The following RASGRF2 variants were observed in gnomAD, a reference collection of about 807,000 sequenced individuals.
The protein encoded by RASGRF2 is Ras protein specific guanine nucleotide releasing factor 2.
A neutral mutation model predicts 151.0 loss-of-function variants in RASGRF2; 76 were observed. The ratio of observed to expected loss-of-function variants is 0.50; its 90% CI spans 0.42 to 0.61. The LOEUF is 0.61. Among genes scored for constraint, RASGRF2 ranks in the 20% least tolerant of loss-of-function variants. RASGRF2 has a pLI of 0.00. For synonymous variants in RASGRF2, 504 were observed against 566.5 expected (o/e 0.89, Z 1.57); for missense variants, 1,148 against 1,564.6 (o/e 0.73, Z 4.49).
chr5:81,007,267 A>C (rs189897872), intron 1 of RASGRF2, among the ~76,000 whole-genome samples: 85 of 152,218 alleles, frequency 5.6e-4, no homozygotes, highest in Admixed American at 2.9e-3. Flanking sequence ...AAAGTTTCTG[A>C]TTGTGGTTTC....
intron 1 of RASGRF2, among the ~76,000 whole-genome samples, chr5:80,996,502 TTCCTCC>T (rs754279122): frequency 1.7e-5 from 1 of 59,064 alleles, no homozygotes; most frequent in Non-Finnish European, 3.5e-5. Context: ...CTTCTTCTTC[TTCCTCC>T]TCCTCCTCCT....
rs530006415 is a variant in RASGRF2 at position 81,079,897 on chromosome 5, T to G, written c.888-224T>G. On this transcript the variant is annotated intron_variant, in intron 5 of 26. Transcript: ENST00000265080. ...TGAAGAAGGTTATGTGACAATGATT[T>G]GGTGCTTTCTGTCCTCTAATATTTG... Among the ~76,000 whole-genome samples, 4 of 152,332 alleles carry G rather than the reference T, an allele frequency of 2.6e-5. No individual in the cohort carries two copies. In the South Asian group the frequency reaches 8.3e-4, roughly 32 times the overall value.
intron 1 of RASGRF2, among the ~76,000 whole-genome samples, chr5:80,991,461 C>T (rs1748647789): frequency 6.6e-6 from 1 of 152,162 alleles, no homozygotes; most frequent in Non-Finnish European, 1.5e-5. Context: ...CAGGCAGGAC[C>T]TGAGAGTCTG....
chr5:81,162,977 T>C (rs1754422642), intron 17 of RASGRF2, among the ~76,000 whole-genome samples: 1 of 152,094 alleles, frequency 6.6e-6, no homozygotes, highest in Non-Finnish European at 1.5e-5. Context: ...TCAAGGGGGC[T>C]GCTGTCTCTG....
intron 1 of RASGRF2, among the ~76,000 whole-genome samples, chr5:81,002,016 G>T (rs887327158): frequency 1.3e-5 from 2 of 152,218 alleles, no homozygotes; most frequent in Admixed American, 1.3e-4. Flanking sequence ...ACATGTATGT[G>T]TGATAATTTG....
At chr5:81,112,933 C>A (rs1753041248) in intron 14 of RASGRF2, 75 bp downstream of exon 14, 1 of 1,574,460 alleles carries the variant, frequency 6.4e-7, no homozygotes, top group Non-Finnish European at 8.6e-7. Flanking sequence ...TGAGGATGAG[C>A]AGGCCAGCTC....
intron 17 of RASGRF2, among the ~76,000 whole-genome samples, chr5:81,130,035 C>A (rs1181141056): frequency 6.6e-6 from 1 of 152,142 alleles, no homozygotes; most frequent in East Asian, 1.9e-4. Context: ...AAAAAGTAAC[C>A]AAAACGGCCA....
rs755133406 is a variant in RASGRF2 at position 81,184,952 on chromosome 5, A to G, written c.2793+4671A>G. On this transcript the variant is annotated intron_variant, in intron 18 of 26. Coordinates refer to ENST00000265080, the MANE Select transcript of RASGRF2 (RefSeq NM_006909.3). ...AATTATGTGTGTGGCCGGCTGTTAAATCGAATTCTTCAGATTGTTTCTGAC... is the reference window on the plus strand; with the variant it reads ...AATTATGTGTGTGGCCGGCTGTTAAGTCGAATTCTTCAGATTGTTTCTGAC... Among the ~76,000 whole-genome samples, 33 of 152,234 alleles carry G rather than the reference A, an allele frequency of 2.2e-4. 1 individual carries two copies. Among genetic ancestry groups the G allele is most frequent in the Non-Finnish European group, 4.0e-4 (27 of 68,040 alleles).
chr5:81,149,628 T>C (rs1416544279), intron 17 of RASGRF2, among the ~76,000 whole-genome samples: 1 of 151,376 alleles, frequency 6.6e-6, no homozygotes, highest in Non-Finnish European at 1.5e-5. Context: ...TAAAATTTTT[T>C]ACAATTAAAA....
chr5:80,985,383 ATTAT>A (rs745793213), intron 1 of RASGRF2, among the ~76,000 whole-genome samples: 12 of 152,378 alleles, frequency 7.9e-5, no homozygotes, highest in Non-Finnish European at 1.6e-4. Flanking sequence ...AATCAAAATA[ATTAT>A]TTAGCCATTT....
At chr5:81,011,404 C>T (rs1749455636) in intron 1 of RASGRF2, among the ~76,000 whole-genome samples, 1 of 152,108 alleles carries the variant, frequency 6.6e-6, no homozygotes, top group Non-Finnish European at 1.5e-5. Flanking sequence ...GTGAATATTC[C>T]TGTATGTGCC....
At chr5:81,093,312 A>G (rs543625531) in intron 10 of RASGRF2, among the ~76,000 whole-genome samples, 25 of 152,380 alleles carry the variant, frequency 1.6e-4, no homozygotes, top group Non-Finnish European at 3.1e-4. Flanking sequence ...CAATGTACCA[A>G]TGCAATATTT....
chr5:81,006,279 C>T (rs1202248076), intron 1 of RASGRF2, among the ~76,000 whole-genome samples: 1 of 152,170 alleles, frequency 6.6e-6, no homozygotes, highest in Non-Finnish European at 1.5e-5. Context: ...GCTCAATGCA[C>T]AGTTTTCTAT....
chr5:81,031,878 A>G (rs1750264242), intron 1 of RASGRF2, among the ~76,000 whole-genome samples: 2 of 152,202 alleles, frequency 1.3e-5, no homozygotes, highest in South Asian at 4.1e-4. Flanking sequence ...TTTTGAAAAG[A>G]TCAACAAAAT....
intron 12 of RASGRF2, among the ~76,000 whole-genome samples, chr5:81,105,369 T>G (rs146059586): frequency 6.6e-6 from 1 of 152,120 alleles, no homozygotes; most frequent in Non-Finnish European, 1.5e-5. Flanking sequence ...GATGCTTCTT[T>G]ATGACCCAGG....
chr5:81,148,314 A>G (rs1174419229), intron 17 of RASGRF2, among the ~76,000 whole-genome samples: 1 of 152,188 alleles, frequency 6.6e-6, no homozygotes, highest in Non-Finnish European at 1.5e-5. Flanking sequence ...CAGCTGAAGA[A>G]TTAATTGGTA....
chr5:81,094,744 A>G (rs1289768934), intron 11 of RASGRF2, 112 bp from the exon 12 acceptor site: 5 of 1,182,602 alleles, frequency 4.2e-6, no homozygotes, highest in African/African-American at 1.6e-5. Flanking sequence ...TGCTGAAATG[A>G]GAGTCCCGAT....
At chr5:81,193,982 G>A (rs1755205840) in intron 18 of RASGRF2, among the ~76,000 whole-genome samples, 1 of 152,112 alleles carries the variant, frequency 6.6e-6, no homozygotes, top group African/African-American at 2.4e-5. Context: ...TTCCCCATAT[G>A]CAAAATGGAA....
chr5:81,176,636 G>C (rs1182087983), intron 17 of RASGRF2, among the ~76,000 whole-genome samples: 1 of 149,202 alleles, frequency 6.7e-6, no homozygotes, highest in South Asian at 2.2e-4. Context: ...TCTTCTTCAA[G>C]GGCTTTCTCC....
Sources: gnomAD v4.1 joint callset for allele counts (sites outside exome capture counted in the v4.1 genomes callset) on GRCh38, gnomAD v4.1.1 for gene constraint, MANE v1.5 for transcripts, NCBI Gene and HGNC (gene_info 2026-07-23, HGNC 2026-07-21) for gene names.